The following RGL1 variants were observed in gnomAD, a reference collection of about 807,000 sequenced individuals.
RGL1 encodes ral guanine nucleotide dissociation stimulator-like 1.
Under a neutral mutation model 95.2 loss-of-function variants are expected in RGL1, and 24 were observed. The observed-to-expected ratio is 0.25, with a 90% confidence interval of 0.18 to 0.35. The LOEUF is 0.35. Among genes scored for constraint, RGL1 ranks in the 10% least tolerant of loss-of-function variants. The pLI is 1.00. For synonymous variants in RGL1, 329 were observed against 344.9 expected (o/e 0.95, Z 0.51); for missense variants, 715 against 936.3 (o/e 0.76, Z 3.08).
chr1:183,758,689 ACT>A (rs560393754), intron 2 of RGL1, among the ~76,000 whole-genome samples: 63 of 151,882 alleles, frequency 4.1e-4, no homozygotes, highest in East Asian at 4.1e-3. Context: ...ATTCATGAAG[ACT>A]CTACCCTCAT....
intron 1 of RGL1, among the ~76,000 whole-genome samples, chr1:183,666,251 C>T (rs1440192096): frequency 4.6e-5 from 7 of 151,944 alleles, no homozygotes; most frequent in South Asian, 2.1e-4. Flanking sequence ...GTGATCCACC[C>T]GCCTCGGCCT....
chr1:183,843,265 A>G (rs34887406), intron 2 of RGL1, among the ~76,000 whole-genome samples: 55,656 of 152,172 alleles, frequency 0.37, 11,246 homozygotes, highest in Non-Finnish European at 0.46. Context: ...TATTTTTTAA[A>G]TCTAAATTTT....
In RGL1 at chr1:183,704,447, C is replaced by G. The variant is rs148012779; in HGVS notation, c.-32-37679C>G. Among the ~76,000 whole-genome samples the G allele has an allele frequency of 5.1e-3, 776 of 152,194 alleles. 9 individuals carry two copies. Among genetic ancestry groups the G allele is most frequent in the African/African-American group, 0.018 (738 of 41,512 alleles). On this transcript the variant is annotated intron_variant, in intron 1 of 18. Coordinates refer to the RGL1 transcript ENST00000304685. ...TTTGGGAGGTGGTTCTTAGAGGGAG[C>G]ATATTGGCTTCAATAGTGTGTGGGG...
At chr1:183,743,368 A>C (rs1298148101) in intron 2 of RGL1, among the ~76,000 whole-genome samples, 1 of 71,216 alleles carries the variant, frequency 1.4e-5, no homozygotes, top group Non-Finnish European at 2.8e-5. Flanking sequence ...AGAGGTAGCA[A>C]AGCAACAACT....
intron 3 of RGL1, among the ~76,000 whole-genome samples, chr1:183,854,472 A>G (rs1259937824): frequency 6.6e-6 from 1 of 152,224 alleles, no homozygotes. Flanking sequence ...GCAAAACCTG[A>G]CATACCAATA....
intron 2 of RGL1, among the ~76,000 whole-genome samples, chr1:183,757,135 T>C (rs904363346): frequency 1.3e-5 from 2 of 152,134 alleles, no homozygotes; most frequent in African/African-American, 2.4e-5. Context: ...ATGTTCTCTA[T>C]GGCTATCGAA....
At chr1:183,676,663 C>A (rs144696237) in intron 1 of RGL1, among the ~76,000 whole-genome samples, 1 of 147,178 alleles carries the variant, frequency 6.8e-6, no homozygotes, top group East Asian at 2.1e-4. Context: ...GTGATTAGAT[C>A]GATGAGGATG....
intron 2 of RGL1, among the ~76,000 whole-genome samples, chr1:183,785,595 A>G (rs1660117578): frequency 6.6e-6 from 1 of 152,206 alleles, no homozygotes; most frequent in South Asian, 2.1e-4. Flanking sequence ...AGCACCCAGC[A>G]CAGTACCTGG....
chr1:183,669,286 G>C (rs1652276031), intron 1 of RGL1, among the ~76,000 whole-genome samples: 1 of 152,096 alleles, frequency 6.6e-6, no homozygotes, highest in African/African-American at 2.4e-5. Context: ...TCTACTAATG[G>C]GTTCATCAAA....
At chr1:183,895,603 A>G (rs190791313) in intron 9 of RGL1, among the ~76,000 whole-genome samples, 266 of 152,324 alleles carry the variant, frequency 1.7e-3, no homozygotes, top group African/African-American at 6.0e-3. Flanking sequence ...ATATGAGAAC[A>G]GCAGAGGAGG....
intron 2 of RGL1, among the ~76,000 whole-genome samples, chr1:183,836,624 A>C (rs1663678608): frequency 6.6e-6 from 1 of 151,972 alleles, no homozygotes; most frequent in Non-Finnish European, 1.5e-5. Context: ...TTTTCATAGA[A>C]CTTTGCCCTA....
chr1:183,842,831 A>G (rs1345465923), intron 2 of RGL1, among the ~76,000 whole-genome samples: 1 of 152,262 alleles, frequency 6.6e-6, no homozygotes, highest in Non-Finnish European at 1.5e-5. Context: ...TACTAAGATA[A>G]TATAAGCAAA....
At chr1:183,717,045 G>C (rs906766138) in intron 1 of RGL1, among the ~76,000 whole-genome samples, 2 of 152,174 alleles carry the variant, frequency 1.3e-5, no homozygotes, top group Non-Finnish European at 2.9e-5. Context: ...TATTTTAGGG[G>C]TCTTCTAAGT....
chr1:183,774,770 G>A (rs886191600), intron 2 of RGL1, among the ~76,000 whole-genome samples: 5 of 151,666 alleles, frequency 3.3e-5, no homozygotes, highest in Non-Finnish European at 7.4e-5. Flanking sequence ...GAGACGGGGT[G>A]TCACCAAATT....
rs564466915 is a variant in RGL1, at chr1:183,880,575, C to G, written c.426-41C>G. The G allele has an allele frequency of 8.2e-5, 131 of 1,599,650 alleles. No individual in the cohort carries two copies. In the Middle Eastern group the frequency reaches 2.1e-3, roughly 26 times the overall value. On this transcript the variant is annotated intron_variant, in intron 4 of 17. Coordinates refer to ENST00000360851, the MANE Select transcript of RGL1 (RefSeq NM_001297671.3). ...GTCCAGGGATTGCTTTGCCTCCCCA[C>G]AGCCAGTTGGGTGCAGTGACTCTCC...
Position 183,764,647 on chromosome 1 carries a change from T to A in RGL1, c.132+22358T>A, listed in dbSNP as rs535015861. ...TTTCTATTTATCAGTTCCTCAATCA[T>A]GGAGAATATGGTTGTCGATCTTTCG... On this transcript the variant is annotated intron_variant, in intron 2 of 18. Coordinates refer to the RGL1 transcript ENST00000304685. Among the ~76,000 whole-genome samples the A allele has an allele frequency of 5.0e-4, 76 of 152,324 alleles. 1 individual carries two copies. Among genetic ancestry groups the A allele is most frequent in the African/African-American group, 1.7e-3 (70 of 41,576 alleles).
chr1:183,887,827 A>G (rs2102658572), intron 7 of RGL1, among the ~76,000 whole-genome samples: 1 of 152,324 alleles, frequency 6.6e-6, no homozygotes, highest in Non-Finnish European at 1.5e-5. Flanking sequence ...CATTGCCAAA[A>G]TGAATTTTAT....
In RGL1 at chr1:183,830,650, AGC is replaced by A. The variant is rs1475185494; in HGVS notation, c.139-16915_139-16914del. On this transcript the variant is annotated intron_variant, in intron 2 of 17. Transcript: ENST00000360851. Reference sequence around the variant, plus strand: ...ATCTTTGTTATGTGTAGCTTGATTCAGCATCTCAATCTTGTTGGGAAAAGAAT... The same window carrying A: ...ATCTTTGTTATGTGTAGCTTGATTCAATCTCAATCTTGTTGGGAAAAGAAT... 4.0e-5 allele frequency among the ~76,000 whole-genome samples: 6 copies of A among 150,396 alleles called. No homozygotes were observed. The Admixed American group carries it at 4.0e-4, about 10-fold the overall frequency.
upstream of RGL1, among the ~76,000 whole-genome samples, chr1:183,801,623 T>C (rs1386464781): frequency 6.6e-6 from 1 of 152,232 alleles, no homozygotes; most frequent in Non-Finnish European, 1.5e-5. Flanking sequence ...GTCCTTTGTG[T>C]TGCTATAAAG....
Sources: allele counts gnomAD v4.1 joint callset (sites outside exome capture counted in the v4.1 genomes callset), GRCh38; gene constraint gnomAD v4.1.1; transcripts MANE v1.5; gene names NCBI Gene and HGNC (gene_info 2026-07-23, HGNC 2026-07-21).